Variants in PHACTR3 observed in about 807,000 individuals in gnomAD.
The protein encoded by PHACTR3 is protein phosphatase 1, regulatory subunit 123.
PHACTR3 carries 16 observed loss-of-function variants against 66.8 expected under a neutral mutation model. The observed-to-expected ratio is 0.24, with a 90% CI of 0.16 to 0.36. The LOEUF is 0.36. Among genes scored for constraint, PHACTR3 ranks in the 10% least tolerant of loss-of-function variants. PHACTR3 has a pLI of 1.00. For synonymous variants in PHACTR3, 323 were observed against 292.1 expected (o/e 1.11, Z -1.08); for missense variants, 647 against 719.9 (o/e 0.90, Z 1.16).
chr20:59,673,087 G>A lies in PHACTR3; in HGVS notation c.118+67955G>A, dbSNP rs112586478. On this transcript the variant is annotated intron_variant, in intron 1 of 12. Coordinates refer to ENST00000371015, the MANE Select transcript of PHACTR3 (RefSeq NM_080672.5). Reference sequence around the variant, plus strand: ...TCATCTCCCTCAGCGTCTCTCTAGTGTGTGAGGCTGTGTAGTTTGTGGATT... The same window carrying A: ...TCATCTCCCTCAGCGTCTCTCTAGTATGTGAGGCTGTGTAGTTTGTGGATT... Among the ~76,000 whole-genome samples, 48 of 152,318 alleles carry A rather than the reference G, an allele frequency of 3.2e-4. 1 individual carries two copies. Among genetic ancestry groups the A allele is most frequent in the African/African-American group, 1.1e-3 (46 of 41,566 alleles).
rs187159772 is a variant in PHACTR3, at chr20:59,831,319, G to A, written c.1329-5186G>A. 2.1e-3 allele frequency among the ~76,000 whole-genome samples: 321 copies of A among 152,252 alleles called. 2 individuals carry two copies. Among genetic ancestry groups the A allele is most frequent in the Admixed American group, 0.018 (278 of 15,290 alleles). On this transcript the variant is annotated intron_variant, in intron 8 of 12. Coordinates refer to ENST00000371015, the MANE Select transcript of PHACTR3 (RefSeq NM_080672.5). ...CTCCCCAGCCCAGCCTGGTCCTTCC[G>A]GCCTCCCTGTCATCCCCACCTCTCG... is the stretch of plus-strand genomic sequence containing the variant.
chr20:59,821,114 G>A (rs6123949), intron 8 of PHACTR3, among the ~76,000 whole-genome samples: 11,976 of 152,168 alleles, frequency 0.079, 997 homozygotes, highest in African/African-American at 0.21. Flanking sequence ...AACATAAGAC[G>A]TAAATGCTAT....
intron 1 of PHACTR3, among the ~76,000 whole-genome samples, chr20:59,695,700 GAGAGTA>G (rs1249834154): frequency 6.6e-6 from 1 of 151,878 alleles, no homozygotes; most frequent in African/African-American, 2.4e-5. Context: ...AGAAAATGGG[GAGAGTA>G]AGAGTATCTC....
chr20:59,634,333 C>G (rs1301785121), intron 1 of PHACTR3, among the ~76,000 whole-genome samples: 1 of 152,194 alleles, frequency 6.6e-6, no homozygotes, highest in Non-Finnish European at 1.5e-5. Context: ...CCGTTCCCTC[C>G]TTCATAAAAT....
chr20:59,754,836 G>A (rs545648504), intron 3 of PHACTR3, among the ~76,000 whole-genome samples: 2 of 152,404 alleles, frequency 1.3e-5, no homozygotes, highest in African/African-American at 4.8e-5. Flanking sequence ...ACCAAAGCAA[G>A]CTCCAGGGCA....
intron 1 of PHACTR3, among the ~76,000 whole-genome samples, chr20:59,731,166 A>T (rs1200079208): frequency 6.6e-6 from 1 of 152,168 alleles, no homozygotes; most frequent in Non-Finnish European, 1.5e-5. Context: ...GTTGTGTGAT[A>T]TTATTTCTCT....
At chr20:59,810,138 A>G (rs73307145) in intron 8 of PHACTR3, among the ~76,000 whole-genome samples, 1,925 of 152,344 alleles carry the variant, frequency 0.013, 48 homozygotes, top group African/African-American at 0.042. Context: ...TTCAAAAAAC[A>G]ACAAAAATTA....
intron 1 of PHACTR3, among the ~76,000 whole-genome samples, chr20:59,605,471 G>T (rs2146332901): frequency 6.6e-6 from 1 of 152,206 alleles, no homozygotes; most frequent in African/African-American, 2.4e-5. Context: ...TCCGCCCAGC[G>T]CCGGTTCTGG....
At chr20:59,750,803 T>A (rs1198047360) in intron 3 of PHACTR3, among the ~76,000 whole-genome samples, 1 of 152,160 alleles carries the variant, frequency 6.6e-6, no homozygotes, top group African/African-American at 2.4e-5. Context: ...GCTGCTTGAA[T>A]CCTTTACTGT....
At chr20:59,686,761 A>ATGATGGTGGTGATGGTGG (rs1568711694) in intron 1 of PHACTR3, among the ~76,000 whole-genome samples, 3 of 111,780 alleles carry the variant, frequency 2.7e-5, no homozygotes, top group Non-Finnish European at 3.8e-5. Context: ...GATGATGGTG[A>ATGATGGTGGTGATGGTGG]TGATGATGGT....
At chr20:59,742,440 A>T (rs2039200178) in intron 1 of PHACTR3, among the ~76,000 whole-genome samples, 1 of 141,196 alleles carries the variant, frequency 7.1e-6, no homozygotes, top group African/African-American at 2.9e-5. Context: ...GTCCAGGAGC[A>T]CTGCTTCCTC....
Position 59,755,634 on chromosome 20 carries a change from C to T in PHACTR3, c.541+270C>T, listed in dbSNP as rs576692209. Among the ~76,000 whole-genome samples the T allele has an allele frequency of 1.2e-3, 190 of 152,316 alleles. 2 individuals are homozygous for T. Among genetic ancestry groups the T allele is most frequent in the African/African-American group, 4.0e-3 (168 of 41,562 alleles). ...TCATCTCCCTGGCACACCTACCCCCCCTCCCAGGGCGTCTTTGTGTTTCCC... is the reference window on the plus strand; with the variant it reads ...TCATCTCCCTGGCACACCTACCCCCTCTCCCAGGGCGTCTTTGTGTTTCCC... On this transcript the variant is annotated intron_variant, in intron 4 of 12. Transcript: ENST00000371015.
chr20:59,821,288 C>T (rs1052969486), intron 8 of PHACTR3, among the ~76,000 whole-genome samples: 2 of 152,148 alleles, frequency 1.3e-5, no homozygotes, highest in African/African-American at 2.4e-5. Flanking sequence ...GTTGCACAGG[C>T]GGTCAGGACT....
chr20:59,773,216 A>G, intron 5 of PHACTR3, 63 bp from the exon 6 acceptor site: 1 of 1,548,568 alleles, frequency 6.5e-7, no homozygotes, highest in Non-Finnish European at 8.8e-7. Flanking sequence ...CCCCAGTCTC[A>G]GCAAAACCCT....
At chr20:59,582,408 G>T (rs936235509) in intron 1 of PHACTR3, among the ~76,000 whole-genome samples, 1 of 152,180 alleles carries the variant, frequency 6.6e-6, no homozygotes, top group African/African-American at 2.4e-5. Context: ...GACAACCTGC[G>T]TGAGGCACTG....
chr20:59,700,337 CT>C (rs144277143), intron 1 of PHACTR3, among the ~76,000 whole-genome samples: 4,709 of 152,268 alleles, frequency 0.031, 202 homozygotes, highest in East Asian at 0.14. Context: ...CTCGAATAAT[CT>C]TTTAACCATG....
intron 1 of PHACTR3, among the ~76,000 whole-genome samples, chr20:59,579,311 G>A (rs2032799787): frequency 6.6e-6 from 1 of 152,180 alleles, no homozygotes; most frequent in Admixed American, 6.5e-5. Flanking sequence ...TGGATGGCAG[G>A]GCTCAGCCAC....
At chr20:59,662,800 C>T (rs932313522) in intron 1 of PHACTR3, among the ~76,000 whole-genome samples, 1 of 152,106 alleles carries the variant, frequency 6.6e-6, no homozygotes, top group Non-Finnish European at 1.5e-5. Flanking sequence ...GGTGAGGGAA[C>T]TGGACTAACC....
intron 1 of PHACTR3, among the ~76,000 whole-genome samples, chr20:59,666,035 G>A (rs2035975820): frequency 6.6e-6 from 1 of 152,110 alleles, no homozygotes; most frequent in South Asian, 2.1e-4. Flanking sequence ...CCAGGGGCTG[G>A]GACTTAGTGG....
Sources: allele counts gnomAD v4.1 joint callset (sites outside exome capture counted in the v4.1 genomes callset), GRCh38; gene constraint gnomAD v4.1.1; transcripts MANE v1.5; gene names NCBI Gene and HGNC (gene_info 2026-07-23, HGNC 2026-07-21).